Variants in KANK2 observed in about 807,000 individuals in gnomAD.
KANK2 encodes KN motif and ankyrin repeat domain-containing protein 2.
A neutral mutation model predicts 74.6 loss-of-function variants in KANK2; 41 were observed. The observed-to-expected ratio is 0.55, with a 90% CI of 0.43 to 0.71. KANK2 has a LOEUF of 0.71. Ranked by LOEUF, KANK2 falls within the 30% of genes least tolerant of loss-of-function variation. The probability of loss-of-function intolerance (pLI) is 0.00; values close to 1 mark genes in which losing one functional copy is unlikely to be tolerated. For missense variants in KANK2, 1,148 were observed against 1,196.4 expected, an observed-to-expected ratio of 0.96 and a Z score of 0.60; for synonymous variants, 537 against 519.0, an observed-to-expected ratio of 1.03 and a Z score of -0.47.
intron 4 of KANK2, among the ~76,000 whole-genome samples, chr19:11,190,525 A>G (rs1022585376): frequency 6.6e-6 from 1 of 152,172 alleles, no homozygotes; most frequent in African/African-American, 2.4e-5. Context: ...GTTGACCAGA[A>G]CATTATCAGC....
chr19:11,178,281 G>T, intron 6 of KANK2, 64 bp downstream of exon 6: 1 of 1,167,462 alleles, frequency 8.6e-7, no homozygotes, highest in Non-Finnish European at 1.1e-6. Flanking sequence ...GGAGGCTCTC[G>T]TGCGTGGATG....
At chr19:11,167,565 T>C (rs1250391453) in intron 12 of KANK2, among the ~76,000 whole-genome samples, 2 of 151,048 alleles carry the variant, frequency 1.3e-5, no homozygotes, top group South Asian at 2.1e-4. Flanking sequence ...TCTCACTCTG[T>C]CACCCAGGCT....
chr19:11,182,541 A>G (rs1010004692), intron 4 of KANK2, among the ~76,000 whole-genome samples: 11 of 147,206 alleles, frequency 7.5e-5, no homozygotes, highest in African/African-American at 2.2e-4. Flanking sequence ...AAAAAAACAA[A>G]AAAACAAAAC....
chr19:11,177,960 G>T (rs897028775), intron 6 of KANK2, among the ~76,000 whole-genome samples: 7 of 152,158 alleles, frequency 4.6e-5, no homozygotes, highest in African/African-American at 1.7e-4. Context: ...AGGGCCACCT[G>T]TGTCTTTCTT....
chr19:11,183,854 T>C (rs1329810443), intron 4 of KANK2, among the ~76,000 whole-genome samples: 2 of 152,048 alleles, frequency 1.3e-5, no homozygotes, highest in African/African-American at 2.4e-5. Context: ...GGTTTCACTA[T>C]GTTGGCAAGG....
intron 6 of KANK2, among the ~76,000 whole-genome samples, chr19:11,177,345 G>A (rs901769418): frequency 2.0e-5 from 3 of 151,514 alleles, no homozygotes; most frequent in Non-Finnish European, 4.4e-5. Flanking sequence ...GAGCCATTGC[G>A]CACAGCCACC....
chr19:11,176,680 G>A lies in KANK2; in HGVS notation c.1658C>T (p.Ala553Val), dbSNP rs2078347622. ...CTCCTGCCGGCTGGTCTTGGCCGCT[G>A]CCGTCCCTGCAGGCCTGAGCTGGGG... ...EAPQLRPAGTAAAKTSRQECQ... is the reference protein window; with the variant it reads ...EAPQLRPAGTVAAKTSRQECQ... The change falls in exon 7 of 13, where the codon GCA becomes GTA. Residue 553 changes from alanine to valine, a missense_variant. Coordinates refer to ENST00000586659, the MANE Select transcript of KANK2 (RefSeq NM_001136191.3). 1 of 1,613,606 alleles carries A rather than the reference G, an allele frequency of 6.2e-7. No homozygotes were observed. Among genetic ancestry groups the A allele is most frequent in the Non-Finnish European group, 8.5e-7 (1 of 1,179,846 alleles).
Position 11,194,610 on chromosome 19 carries a change from G to A in KANK2, c.-79-20C>T. The A allele has an allele frequency of 1.0e-6, 1 of 972,052 alleles. No homozygotes were observed. The highest frequency in any genetic ancestry group is 1.6e-6 in the Non-Finnish European group (1 of 607,646). The allele number at this position is 972,052 out of a possible 1,614,324, so 60.2% of individuals were successfully genotyped here. On this transcript the variant is annotated intron_variant, in intron 2 of 12. Transcript: ENST00000586659. The stretch of plus-strand genomic sequence containing the variant: ...GCTTACCTGGGGAAAGAGAACCACG[G>A]CGCCGGGAGTTAGGAGTCTGTAGGG...
chr19:11,177,917 A>T (rs764621071), intron 6 of KANK2, among the ~76,000 whole-genome samples: 24 of 152,068 alleles, frequency 1.6e-4, no homozygotes, highest in Non-Finnish European at 3.2e-4. Flanking sequence ...CTTCTCCCGT[A>T]CCACCTGTGT....
At position 11,193,449 on chromosome 19, in the gene KANK2, C is replaced by T; in HGVS notation, c.631G>A (p.Val211Met). 2 of 1,612,296 alleles carry T rather than the reference C, an allele frequency of 1.2e-6. No homozygotes were observed. The highest frequency in any genetic ancestry group is 1.3e-5 in the African/African-American group (1 of 75,044). The change falls in exon 4 of 13, where the codon GTG (valine) becomes ATG (methionine). Residue 211 changes from valine to methionine, a missense_variant. Transcript: ENST00000586659. The surrounding 1 kb of genome is among the most constrained non-coding windows in gnomAD (Gnocchi z 9.6). ...QLEEQVKLIP[V>M]LQVKLSVLQE... Reference sequence around the variant, plus strand: ...AGCACCGAGAGCTTCACCTGGAGCACAGGGATCAGCTTCACCTGCTCCTCC... The same window carrying T: ...AGCACCGAGAGCTTCACCTGGAGCATAGGGATCAGCTTCACCTGCTCCTCC...
rs963001375 is a variant in KANK2, at chr19:11,164,757, T to C, written c.*1801A>G. The C allele has an allele frequency of 7.9e-6, 1 of 127,022 alleles. No homozygotes were observed. The highest frequency in any genetic ancestry group is 1.7e-5 in the Non-Finnish European group (1 of 58,104). The allele number at this position is 127,022 out of a possible 1,614,324, so 7.9% of individuals were successfully genotyped here. A position where few individuals can be genotyped will look rare whatever the true frequency, so the allele number is the denominator to read the frequency against. Reference sequence around the variant, plus strand: ...ATCCATCCATCCATCCATCCATCCATCCTGCTTGTCTCCTTTGACCAGCCA... The same window carrying C: ...ATCCATCCATCCATCCATCCATCCACCCTGCTTGTCTCCTTTGACCAGCCA... On this transcript the variant is annotated 3_prime_UTR_variant, in exon 13 of 13. Transcript: ENST00000586659.
At chr19:11,178,499 C>T (rs368365281) in intron 5 of KANK2, 52 bp from the exon 6 acceptor site, 8 of 1,600,894 alleles carry the variant, frequency 5.0e-6, no homozygotes, top group East Asian at 4.5e-5. Flanking sequence ...GGCCAGACTC[C>T]GAACTGGCGC....
intron 4 of KANK2, 50 bp downstream of exon 4, chr19:11,192,781 A>T (rs1600825560): frequency 7.2e-6 from 11 of 1,521,924 alleles, no homozygotes; most frequent in Non-Finnish European, 9.7e-6. Flanking sequence ...GGGAAGAAAG[A>T]GGCCCCCCCC....
intron 10 of KANK2, 100 bp downstream of exon 10, chr19:11,172,881 G>A (rs1399234883): frequency 7.8e-7 from 1 of 1,283,176 alleles, no homozygotes; most frequent in Non-Finnish European, 1.1e-6. Flanking sequence ...GAAGAGCAGG[G>A]CTCTGGAGTT....
rs113700279 is a variant in KANK2 at position 11,168,400 on chromosome 19, A to G, written c.2502+1477T>C. ...AGCCTCAAATTCCTGGGTTCAGGTG[A>G]TCCTCCTGCCTCAGCCTCCCGAGTA... On this transcript the variant is annotated intron_variant, in intron 12 of 12. Coordinates refer to ENST00000586659, the MANE Select transcript of KANK2 (RefSeq NM_001136191.3). Among the ~76,000 whole-genome samples the G allele has an allele frequency of 1.2e-3, 188 of 151,468 alleles. 1 individual carries two copies. The highest frequency in any genetic ancestry group is 4.4e-3 in the African/African-American group (180 of 41,270).
chr19:11,167,909 G>A (rs2078067038), intron 12 of KANK2, among the ~76,000 whole-genome samples: 1 of 151,448 alleles, frequency 6.6e-6, no homozygotes. Context: ...AAGACCATGT[G>A]ATTCACTCCC....
In KANK2 at chr19:11,193,610, G is replaced by T; in HGVS notation, c.470C>A (p.Ala157Asp). 6.3e-7 allele frequency: 1 copy of T among 1,585,272 alleles called. No individual in the cohort carries two copies. Residue 157 changes from alanine to aspartate, a missense_variant, in exon 4 of 13, where the codon GCC (alanine) becomes GAC (aspartate). Physicochemically the swap from Ala to Asp is moderately radical, Grantham distance 126. Transcript: ENST00000586659. This position sits in a 1 kb window ranked among gnomAD's most constrained non-coding sequence, Gnocchi z 9.6. Reference protein sequence around the residue: ...SLTPSAAGSTASLVGVGLPPP... With the variant: ...SLTPSAAGSTDSLVGVGLPPP... The stretch of plus-strand genomic sequence containing the variant: ...TGGCAACCCCACGCCCACCAGGGAG[G>T]CTGTCGAGCCGGCCGCACTGGGGGT...
chr19:11,193,108 C>G lies in KANK2; in HGVS notation c.972G>C (p.Pro324=). Residue 324 remains proline, a synonymous_variant, in exon 4 of 13, where the codon CCG becomes CCC. Coordinates refer to ENST00000586659, the MANE Select transcript of KANK2 (RefSeq NM_001136191.3). This position sits in a 1 kb window ranked among gnomAD's most constrained non-coding sequence, Gnocchi z 9.6. ...QPQAWPPPDS[P]VRVDTVRVVE... is the part of the protein sequence containing the mutation. ...CCACCCGGACTGTATCCACGCGGACCGGGCTGTCCGGCGGTGGCCAGGCCT... is the reference window on the plus strand; with the variant it reads ...CCACCCGGACTGTATCCACGCGGACGGGGCTGTCCGGCGGTGGCCAGGCCT... 2 of 1,605,560 alleles carry G rather than the reference C, an allele frequency of 1.2e-6. No homozygotes were observed. The highest frequency in any genetic ancestry group is 1.7e-6 in the Non-Finnish European group (2 of 1,175,668).
chr19:11,189,393 C>G (rs755588220), intron 4 of KANK2, among the ~76,000 whole-genome samples: 1 of 151,700 alleles, frequency 6.6e-6, no homozygotes, highest in Non-Finnish European at 1.5e-5. Context: ...CACCTGAGGT[C>G]AGGAGTTTGA....
Sources: gnomAD v4.1 joint callset for allele counts (sites outside exome capture counted in the v4.1 genomes callset) on GRCh38, gnomAD v4.1.1 for gene constraint, Gnocchi (gnomAD v3.1) non-coding constraint, MANE v1.5 for transcripts, NCBI Gene and HGNC (gene_info 2026-07-23, HGNC 2026-07-21) for gene names.